GRIK4: variants seen among roughly 807,000 people sequenced by gnomAD.
GRIK4 encodes glutamate receptor ionotropic, kainate 4.
GRIK4 carries 40 observed loss-of-function variants against 104.9 expected under a neutral mutation model. That is an observed-to-expected ratio of 0.38 (90% CI 0.30 to 0.50). The LOEUF (loss-of-function observed/expected upper bound fraction) is 0.50, where lower values mean the gene tolerates loss of function less well. Ranked by LOEUF, GRIK4 falls within the 20% of genes least tolerant of loss-of-function variation. The pLI, the probability that GRIK4 is intolerant of heterozygous loss-of-function variation, is 0.93. For synonymous variants in GRIK4, 485 were observed against 524.9 expected (o/e 0.92, Z 1.04); for missense variants, 1,047 against 1,308.1 (o/e 0.80, Z 3.08).
chr11:120,647,355 G>A (rs1367145772), intron 1 of GRIK4, among the ~76,000 whole-genome samples: 1 of 152,110 alleles, frequency 6.6e-6, no homozygotes, highest in Non-Finnish European at 1.5e-5. Context: ...CCAGGCCATC[G>A]GGCGCCCCTT....
At chr11:120,709,823 C>G (rs1249464112) in intron 3 of GRIK4, among the ~76,000 whole-genome samples, 2 of 152,110 alleles carry the variant, frequency 1.3e-5, no homozygotes, top group East Asian at 3.9e-4. Flanking sequence ...GTGTAGAAGA[C>G]AGAGTCCTGG....
At chr11:120,747,772 C>G (rs756768751) in intron 3 of GRIK4, among the ~76,000 whole-genome samples, 3 of 152,186 alleles carry the variant, frequency 2.0e-5, no homozygotes, top group Admixed American at 6.5e-5. Context: ...TAATTTTAAT[C>G]AGAATTTTAT....
chr11:120,690,766 A>T (rs978434319), intron 3 of GRIK4, among the ~76,000 whole-genome samples: 2 of 152,208 alleles, frequency 1.3e-5, no homozygotes, highest in Non-Finnish European at 2.9e-5. Context: ...CAATGTTCCT[A>T]AGGCCCAGAT....
At chr11:120,978,163 C>T (rs1362238341) in intron 19 of GRIK4, among the ~76,000 whole-genome samples, 2 of 152,166 alleles carry the variant, frequency 1.3e-5, no homozygotes, top group African/African-American at 4.8e-5. Context: ...GTACCATGAC[C>T]GTGAGGTTAT....
intron 3 of GRIK4, among the ~76,000 whole-genome samples, chr11:120,794,881 G>A (rs529171509): frequency 2.6e-5 from 4 of 152,170 alleles, no homozygotes; most frequent in African/African-American, 7.2e-5. Flanking sequence ...CGGCGGGAGC[G>A]GCCTGCACAG....
chr11:120,699,530 GGTGTGTGTATGTGT>G (rs1339186921), intron 3 of GRIK4, among the ~76,000 whole-genome samples: 1,364 of 135,046 alleles, frequency 0.01, 20 homozygotes, highest in African/African-American at 0.031. Context: ...CAGTAAGTCA[GGTGTGTGTATGTGT>G]GTGTGTGTGT....
chr11:120,623,673 T>G (rs1265122984), intron 1 of GRIK4, among the ~76,000 whole-genome samples: 1 of 152,264 alleles, frequency 6.6e-6, no homozygotes, highest in African/African-American at 2.4e-5. Context: ...TTGTGACCCA[T>G]AGTTTGAAAA....
chr11:120,675,981 A>G (rs1950093777), intron 3 of GRIK4, among the ~76,000 whole-genome samples: 1 of 152,172 alleles, frequency 6.6e-6, no homozygotes, highest in Non-Finnish European at 1.5e-5. Flanking sequence ...GCTAAAGCTA[A>G]GATTTTAGTG....
chr11:120,631,720 T>C (rs1228766810), intron 1 of GRIK4, among the ~76,000 whole-genome samples: 1 of 152,196 alleles, frequency 6.6e-6, no homozygotes, highest in East Asian at 1.9e-4. Context: ...TTAGGGCTGA[T>C]TATTAGGATT....
chr11:120,947,167 G>A (rs1943879401), intron 14 of GRIK4, among the ~76,000 whole-genome samples: 1 of 152,206 alleles, frequency 6.6e-6, no homozygotes, highest in Non-Finnish European at 1.5e-5. Flanking sequence ...ATTTTGGGAG[G>A]CCGAGGCAGG....
chr11:120,560,337 C>T (rs1274332955), intron 1 of GRIK4, among the ~76,000 whole-genome samples: 1 of 152,062 alleles, frequency 6.6e-6, no homozygotes, highest in Non-Finnish European at 1.5e-5. Flanking sequence ...CAGGAGTGAG[C>T]CACTGTGCCT....
At chr11:120,649,356 A>C (rs1390015156) in intron 1 of GRIK4, among the ~76,000 whole-genome samples, 1 of 152,224 alleles carries the variant, frequency 6.6e-6, no homozygotes, top group African/African-American at 2.4e-5. Context: ...ATAAGACAAC[A>C]AAAAGCACTG....
At chr11:120,882,160 A>T (rs908662351) in intron 11 of GRIK4, among the ~76,000 whole-genome samples, 5 of 152,108 alleles carry the variant, frequency 3.3e-5, no homozygotes, top group Non-Finnish European at 7.4e-5. Context: ...AGCCCCTCTT[A>T]CTATGAGCTG....
intron 14 of GRIK4, among the ~76,000 whole-genome samples, chr11:120,942,062 C>T (rs1943738288): frequency 6.6e-6 from 1 of 152,248 alleles, no homozygotes; most frequent in Admixed American, 6.5e-5. Context: ...CCTGTGCTTT[C>T]TCCAGGACAG....
At chr11:120,736,730 G>T (rs1156428822) in intron 3 of GRIK4, among the ~76,000 whole-genome samples, 1 of 151,756 alleles carries the variant, frequency 6.6e-6, no homozygotes, top group Non-Finnish European at 1.5e-5. Context: ...TGTAGATCTG[G>T]ACTTGAATTT....
intron 1 of GRIK4, among the ~76,000 whole-genome samples, chr11:120,602,092 T>C (rs1032231264): frequency 3.9e-5 from 6 of 151,980 alleles, no homozygotes; most frequent in Non-Finnish European, 2.9e-5. Flanking sequence ...GGGGCTGCCT[T>C]CCCCGGGCTC....
chr11:120,552,725 C>A (rs1948151408), intron 1 of GRIK4, among the ~76,000 whole-genome samples: 1 of 152,102 alleles, frequency 6.6e-6, no homozygotes, highest in South Asian at 2.1e-4. Context: ...AGAGGCCAGG[C>A]GTGGTGGCTC....
At chr11:120,776,924 C>A (rs960124497) in intron 3 of GRIK4, among the ~76,000 whole-genome samples, 2 of 152,156 alleles carry the variant, frequency 1.3e-5, no homozygotes, top group African/African-American at 4.8e-5. Context: ...GAAGCAACAT[C>A]CCATGATTTC....
chr11:120,831,998 A>AACGCCTCCATGTCCC lies in GRIK4; in HGVS notation c.661_675dup (p.Ala221_His225dup), dbSNP rs1565380018. 6.2e-7 allele frequency: 1 copy of AACGCCTCCATGTCCC among 1,613,438 alleles called. No individual in the cohort carries two copies. ...GACCGCCACCATCATCATCCACGCC[A>AACGCCTCCATGTCCC]ACGCCTCCATGTCCCACACCATCCT... is the stretch of plus-strand genomic sequence containing the variant. On this transcript the variant is annotated inframe_insertion, in exon 7 of 21. Coordinates refer to ENST00000527524, the MANE Select transcript of GRIK4 (RefSeq NM_014619.5).
Sources: gnomAD v4.1 joint callset for allele counts (sites outside exome capture counted in the v4.1 genomes callset) on GRCh38, gnomAD v4.1.1 for gene constraint, MANE v1.5 for transcripts, NCBI Gene and HGNC (gene_info 2026-07-23, HGNC 2026-07-21) for gene names.